Variants in CECR2 observed in about 807,000 individuals in gnomAD.
CECR2 encodes the protein CECR2 histone acetyl-lysine reader, also known as chromatin remodeling regulator CECR2.
Under a neutral mutation model 154.5 loss-of-function variants are expected in CECR2, and 30 were observed. The ratio of observed to expected loss-of-function variants is 0.19; its 90% CI spans 0.15 to 0.26. The LOEUF (loss-of-function observed/expected upper bound fraction) is 0.26, where lower values mean the gene tolerates loss of function less well. CECR2 is among the 10% of genes least tolerant of loss of function. The pLI is 1.00. For missense variants in CECR2, 1,743 were observed against 1,829.3 expected (o/e 0.95, Z 0.86); for synonymous variants, 725 against 683.7 (o/e 1.06, Z -0.94).
At chr22:17,389,205 C>T (rs1456780543) in intron 1 of CECR2, among the ~76,000 whole-genome samples, 4 of 152,174 alleles carry the variant, frequency 2.6e-5, no homozygotes, top group East Asian at 1.9e-4. Context: ...AGATTCCCCA[C>T]GTGTTCAGTT....
intron 6 of CECR2, among the ~76,000 whole-genome samples, chr22:17,504,581 C>T (rs990224885): frequency 8.6e-5 from 13 of 151,574 alleles, no homozygotes; most frequent in Non-Finnish European, 1.6e-4. Context: ...GGATCACAGG[C>T]GCCCGCCACC....
At chr22:17,523,017 A>T (rs1429368128) in intron 8 of CECR2, among the ~76,000 whole-genome samples, 1 of 151,900 alleles carries the variant, frequency 6.6e-6, no homozygotes, top group Non-Finnish European at 1.5e-5. Context: ...GGGGAAAAAA[A>T]AAAGCCTGCT....
At position 17,481,053 on chromosome 22, in the gene CECR2, A is replaced by G. The variant is rs552732277; in HGVS notation, c.221+3371A>G. On this transcript the variant is annotated intron_variant, in intron 2 of 18. Coordinates refer to ENST00000262608, the MANE Select transcript of CECR2 (RefSeq NM_001290047.2). Reference sequence around the variant, plus strand: ...AGACTCCATCTCTTTTTTTTTTAAAAAAAAAAAAGGCCGGGCACGGTGCCT... The same window carrying G: ...AGACTCCATCTCTTTTTTTTTTAAAGAAAAAAAAGGCCGGGCACGGTGCCT... Among the ~76,000 whole-genome samples the G allele has an allele frequency of 3.5e-5, 5 of 141,510 alleles. No homozygotes were observed. The East Asian group carries it at 1.0e-3, about 29-fold the overall frequency. The allele number at this position is 141,510 out of a possible 152,430, so 92.8% of individuals were successfully genotyped here. A position where few individuals can be genotyped will look rare whatever the true frequency, so the allele number is the denominator to read the frequency against.
chr22:17,425,721 T>C (rs1166575990), intron 1 of CECR2, among the ~76,000 whole-genome samples: 4 of 141,094 alleles, frequency 2.8e-5, no homozygotes, highest in South Asian at 4.4e-4. Flanking sequence ...TGGTTTCTAG[T>C]CTAGGCGGAT....
intron 1 of CECR2, among the ~76,000 whole-genome samples, chr22:17,449,932 C>T (rs1601379378): frequency 6.6e-6 from 1 of 152,344 alleles, no homozygotes; most frequent in South Asian, 2.1e-4. Flanking sequence ...CTTCCTTTCA[C>T]ACATGTAGCC....
intron 1 of CECR2, among the ~76,000 whole-genome samples, chr22:17,427,449 T>C (rs964550143): frequency 1.3e-5 from 2 of 152,198 alleles, no homozygotes; most frequent in Non-Finnish European, 2.9e-5. Flanking sequence ...TTGGTCTCGC[T>C]GACTTCAAGA....
intron 1 of CECR2, among the ~76,000 whole-genome samples, chr22:17,457,463 A>G (rs988101281): frequency 6.6e-6 from 1 of 152,206 alleles, no homozygotes; most frequent in Non-Finnish European, 1.5e-5. Flanking sequence ...ATAAAATTCT[A>G]TCATTTTGTA....
At chr22:17,411,520 C>A (rs1020705697) in intron 1 of CECR2, among the ~76,000 whole-genome samples, 1 of 151,972 alleles carries the variant, frequency 6.6e-6, no homozygotes, top group Non-Finnish European at 1.5e-5. Flanking sequence ...CGGGCTGGGT[C>A]GGATAGATTT....
intron 2 of CECR2, among the ~76,000 whole-genome samples, chr22:17,481,333 A>G (rs1601429740): frequency 9.5e-6 from 1 of 104,940 alleles, no homozygotes; most frequent in Non-Finnish European, 1.9e-5. Flanking sequence ...ACAGAGCGAG[A>G]CTCTGTCTCA....
At chr22:17,387,126 G>T (rs1217476099) in intron 1 of CECR2, among the ~76,000 whole-genome samples, 7 of 152,142 alleles carry the variant, frequency 4.6e-5, no homozygotes, top group Non-Finnish European at 1.0e-4. Context: ...AAGCTATTCA[G>T]GTATTTATGT....
chr22:17,384,117 C>G (rs577292909), intron 1 of CECR2, among the ~76,000 whole-genome samples: 1 of 152,188 alleles, frequency 6.6e-6, no homozygotes, highest in South Asian at 2.1e-4. Flanking sequence ...ATATTTGGAC[C>G]TCCTCCCATG....
chr22:17,510,783 GTT>G (rs1417224935), intron 7 of CECR2, among the ~76,000 whole-genome samples: 1 of 152,040 alleles, frequency 6.6e-6, no homozygotes, highest in African/African-American at 2.4e-5. Flanking sequence ...TTGTGTGTGT[GTT>G]TAGTAGAGAT....
At chr22:17,540,864 G>A in intron 14 of CECR2, 64 bp downstream of exon 14, 1 of 1,461,750 alleles carries the variant, frequency 6.8e-7, no homozygotes, top group South Asian at 1.6e-5. Context: ...TAATGTAGAG[G>A]CCATTCAGTT....
intron 7 of CECR2, among the ~76,000 whole-genome samples, chr22:17,510,695 A>G (rs888746547): frequency 6.6e-6 from 1 of 152,102 alleles, no homozygotes; most frequent in Non-Finnish European, 1.5e-5. Context: ...TCCGCCTGCC[A>G]GGTTCAAGCA....
At chr22:17,489,136 G>A (rs990120983) in intron 2 of CECR2, among the ~76,000 whole-genome samples, 1 of 152,110 alleles carries the variant, frequency 6.6e-6, no homozygotes, top group Non-Finnish European at 1.5e-5. Context: ...GTTTCACCAT[G>A]TTAATCAAGC....
In CECR2 at chr22:17,394,197, C is replaced by CTTTTTTTTTTT. The variant is rs71200271; in HGVS notation, c.126+24304_126+24314dup. On this transcript the variant is annotated intron_variant, in intron 1 of 18. Coordinates refer to ENST00000262608, the MANE Select transcript of CECR2 (RefSeq NM_001290047.2). ...CCACCGCGCCCAGCTGCTGCCGCTG[C>CTTTTTTTTTTT]TTTTTTTTTTTTTTTTTTTTTTTTT... Among the ~76,000 whole-genome samples the CTTTTTTTTTTT allele has an allele frequency of 7.2e-5, 7 of 97,088 alleles. 3 individuals are homozygous for CTTTTTTTTTTT. The highest frequency in any genetic ancestry group is 1.0e-4 in the Non-Finnish European group (5 of 49,368). The allele number at this position is 97,088 out of a possible 152,430, so 63.7% of individuals were successfully genotyped here. A position where few individuals can be genotyped will look rare whatever the true frequency, so the allele number is the denominator to read the frequency against.
chr22:17,434,459 T>G (rs1233521714), intron 1 of CECR2, among the ~76,000 whole-genome samples: 3 of 152,192 alleles, frequency 2.0e-5, no homozygotes, highest in East Asian at 3.8e-4. Flanking sequence ...AATCTTGCTT[T>G]AGGATTCACC....
chr22:17,457,918 ATAT>A (rs1282529489), intron 1 of CECR2, among the ~76,000 whole-genome samples: 3 of 152,172 alleles, frequency 2.0e-5, no homozygotes, highest in Non-Finnish European at 2.9e-5. Flanking sequence ...CTTATATATG[ATAT>A]TATTTCATTT....
At chr22:17,366,104 T>G (rs1168069935), upstream of CECR2, among the ~76,000 whole-genome samples, 1 of 152,168 alleles carries the variant, frequency 6.6e-6, no homozygotes, top group African/African-American at 2.4e-5. Flanking sequence ...TCTTGCTACT[T>G]TTAATACTAT....
Sources: gnomAD v4.1 joint callset for allele counts (sites outside exome capture counted in the v4.1 genomes callset) on GRCh38, gnomAD v4.1.1 for gene constraint, MANE v1.5 for transcripts, NCBI Gene and HGNC (gene_info 2026-07-23, HGNC 2026-07-21) for gene names.